The following MATR3 variants were observed in gnomAD, a reference collection of about 807,000 sequenced individuals.
The protein encoded by MATR3 is matrin-3.
In MATR3, 4 loss-of-function variants were observed where a neutral mutation model predicts 85.5. The observed-to-expected ratio is 0.05, with a 90% CI of 0.02 to 0.11. The LOEUF (loss-of-function observed/expected upper bound fraction) is 0.11. Among genes scored for constraint, MATR3 ranks in the 10% least tolerant of loss-of-function variants. The pLI, the probability that MATR3 is intolerant of heterozygous loss-of-function variation, is 1.00. For missense variants in MATR3, 685 were observed against 1,016.1 expected (o/e 0.67, Z 4.43); for synonymous variants, 336 against 343.1 (o/e 0.98, Z 0.23).
rs543936142 is a variant in MATR3, at chr5:139,323,872, CAA to C, written c.2148+906_2148+907del. ...CATCACTGTACTCCAGCCTGGGTGA[CAA>C]GAGCAAGACTGTCTCAAGAAAAAAA... On this transcript the variant is annotated intron_variant, in intron 12 of 14. Transcript: ENST00000394805. Among the ~76,000 whole-genome samples the C allele has an allele frequency of 1.3e-4, 20 of 151,616 alleles. No individual in the cohort carries two copies. The South Asian group carries it at 4.0e-3, about 30-fold the overall frequency.
intron 9 of MATR3, among the ~76,000 whole-genome samples, chr5:139,321,453 C>T (rs1305013585): frequency 6.6e-6 from 1 of 152,052 alleles, no homozygotes; most frequent in Non-Finnish European, 1.5e-5. Context: ...TGCGCCCAGC[C>T]CTGATATTCA....
intron 7 of MATR3, 51 bp from the exon 8 acceptor site, chr5:139,318,857 T>G: frequency 1.2e-5 from 19 of 1,596,698 alleles, no homozygotes; most frequent in Admixed American, 1.7e-5. Context: ...TAGTTCAATG[T>G]GAGAAAGCTG....
intron 4 of MATR3, 160 bp downstream of exon 4, chr5:139,315,898 T>A: frequency 1.3e-6 from 1 of 758,732 alleles, no homozygotes; most frequent in Non-Finnish European, 2.3e-6. Context: ...AGAATATATA[T>A]TATGTAGTAA....
At chr5:139,274,527 GA>G (rs1340189009) in intron 1 of MATR3, 1 of 166,816 alleles carries the variant, frequency 6.0e-6, no homozygotes, top group East Asian at 1.5e-4. Context: ...TAGACCCAGC[GA>G]ACAATGAACC....
At chr5:139,304,978 C>T (rs1009653010) in intron 1 of MATR3, among the ~76,000 whole-genome samples, 1 of 152,114 alleles carries the variant, frequency 6.6e-6, no homozygotes, top group African/African-American at 2.4e-5. Flanking sequence ...TCTGGTTTCT[C>T]CCAACTTTGT....
At chr5:139,324,287 A>ATT (rs1581259222) in intron 12 of MATR3, among the ~76,000 whole-genome samples, 7 of 109,362 alleles carry the variant, frequency 6.4e-5, no homozygotes, top group East Asian at 2.9e-4. Flanking sequence ...TCAGAGCATG[A>ATT]TTGTTTTTTT....
At chr5:139,292,971 C>A, upstream of MATR3, among the ~76,000 whole-genome samples, 1 of 152,112 alleles carries the variant, frequency 6.6e-6, no homozygotes, top group South Asian at 2.1e-4. Flanking sequence ...AAAAAAACAG[C>A]TGGCTGGGCG....
intron 2 of MATR3, 112 bp from the exon 3 acceptor site, chr5:139,314,563 G>T (rs1755151177): frequency 2.4e-6 from 2 of 820,788 alleles, no homozygotes; most frequent in Non-Finnish European, 4.2e-6. Context: ...ATGGGCAGGT[G>T]TTTGTACAGC....
intron 3 of MATR3, among the ~76,000 whole-genome samples, chr5:139,286,124 C>CT (rs1299386202): frequency 6.6e-6 from 1 of 152,078 alleles, no homozygotes; most frequent in East Asian, 1.9e-4. Flanking sequence ...TCAAAAACTC[C>CT]TTTGTAAGAC....
At chr5:139,282,411 T>C (rs546320673) in intron 3 of MATR3, among the ~76,000 whole-genome samples, 3 of 152,216 alleles carry the variant, frequency 2.0e-5, no homozygotes, top group African/African-American at 7.2e-5. Context: ...ACTTGTTTGG[T>C]CTTCCTTGCC....
chr5:139,325,509 A>G lies in MATR3; in HGVS notation c.2218A>G (p.Asn740Asp), dbSNP rs1755807755. The G allele has an allele frequency of 1.2e-6, 2 of 1,614,194 alleles. No individual in the cohort carries two copies. Among genetic ancestry groups the G allele is most frequent in the South Asian group, 1.1e-5 (1 of 91,080 alleles). Residue 740 changes from asparagine (N) to aspartate (D), a missense_variant, in exon 13 of 15, where the codon AAC becomes GAC. Physicochemically the swap from Asn to Asp is conservative, Grantham distance 23. Around this residue, in one of 9 missense-constraint regions of MATR3, gnomAD observed 215 missense variants for 194.7 expected, o/e 1.10. Coordinates refer to ENST00000394805, the MANE Select transcript of MATR3 (RefSeq NM_018834.6). ...GGAAAATGGAATTAAAAATGAGGAA[A>G]ACACAGAACCAGGTGCTGAATCTTC... ...ALENGIKNEE[N>D]TEPGAESSEN...
upstream of MATR3, among the ~76,000 whole-genome samples, chr5:139,290,127 G>A (rs760256384): frequency 6.6e-6 from 1 of 151,352 alleles, no homozygotes; most frequent in African/African-American, 2.4e-5. Flanking sequence ...CTTGATTAAA[G>A]TTCCTCAAGG....
chr5:139,290,387 T>C (rs950263186), upstream of MATR3, among the ~76,000 whole-genome samples: 8 of 146,008 alleles, frequency 5.5e-5, no homozygotes, highest in Admixed American at 3.5e-4. Flanking sequence ...TCAAACGATC[T>C]GCCTCCCAAA....
chr5:139,275,142 A>ATTTTTTTT (rs750841386), intron 1 of MATR3, among the ~76,000 whole-genome samples: 17 of 40,914 alleles, frequency 4.2e-4, no homozygotes, highest in African/African-American at 6.6e-4. Context: ...CGCCCGGCTA[A>ATTTTTTTT]TTTTTTTTTT....
chr5:139,278,812 G>C (rs769374661), intron 2 of MATR3: 1 of 515,852 alleles, frequency 1.9e-6, no homozygotes, highest in Non-Finnish European at 3.9e-6. Flanking sequence ...AGGCTCATGT[G>C]GTGCCTGTGA....
In MATR3 at chr5:139,322,633, C is replaced by G. The variant is rs1193499348; in HGVS notation, c.1814C>G (p.Pro605Arg). The change falls in exon 12 of 15, where the codon CCA (proline) becomes CGA (arginine). Residue 605 changes from proline (P) to arginine (R), a missense_variant. Pro to Arg is a moderately radical substitution (Grantham distance 103). Around this residue, in one of 9 missense-constraint regions of MATR3, gnomAD observed 50 missense variants for 133.4 expected, o/e 0.37. Transcript: ENST00000394805. ...RSYSPDGKES[P>R]SDKKSKTDGS... is the part of the protein sequence containing the mutation. The stretch of plus-strand genomic sequence containing the variant: ...TACTCTCCAGATGGCAAAGAATCTC[C>G]AAGTGATAAGAAATCCAAAACTGAT... 6.2e-7 allele frequency: 1 copy of G among 1,614,120 alleles called. No homozygotes were observed. The highest frequency in any genetic ancestry group is 8.5e-7 in the Non-Finnish European group (1 of 1,180,016).
chr5:139,315,415 G>T, intron 3 of MATR3: 1 of 356,190 alleles, frequency 2.8e-6, no homozygotes, highest in Non-Finnish European at 5.2e-6. Flanking sequence ...AATTCTTTGT[G>T]CGGCACTTCC....
intron 3 of MATR3, among the ~76,000 whole-genome samples, chr5:139,286,739 G>A (rs1463730411): frequency 2.0e-5 from 3 of 151,792 alleles, no homozygotes; most frequent in African/African-American, 7.3e-5. Context: ...AGTTACTTGG[G>A]AGGCTGAGGC....
At position 139,331,377 on chromosome 5, in the gene MATR3, GTTTCC is replaced by G. The variant is rs1277747042; in HGVS notation, c.*1987_*1991del. 3 of 454,098 alleles carry G rather than the reference GTTTCC, an allele frequency of 6.6e-6. No individual in the cohort carries two copies. The highest frequency in any genetic ancestry group is 1.6e-5 in the South Asian group (1 of 64,478). 28.1% of individuals were successfully genotyped at this position (454,098 alleles called of 1,614,324 possible). On this transcript the variant is annotated 3_prime_UTR_variant, in exon 15 of 15. Transcript: ENST00000394805. ...TATGTGCACAATGGAGTTCTTCAGT[GTTTCC>G]TTTCAGTGATGGCTTTTTCATAGCT...
Sources: gnomAD v4.1 joint callset for allele counts (sites outside exome capture counted in the v4.1 genomes callset) on GRCh38, gnomAD v4.1.1 for gene constraint, gnomAD v4.1.1 regional missense constraint, MANE v1.5 for transcripts, NCBI Gene and HGNC (gene_info 2026-07-23, HGNC 2026-07-21) for gene names.